The following CLVS1 variants were observed in gnomAD, a reference collection of about 807,000 sequenced individuals.
CLVS1 encodes the protein clavesin-1.
Under a neutral mutation model 33.1 loss-of-function variants are expected in CLVS1, and 10 were observed. That is an observed-to-expected ratio of 0.30 (90% CI 0.19 to 0.51). CLVS1 has a LOEUF of 0.51. CLVS1 is among the 20% of genes least tolerant of loss of function. The pLI is 0.97. For synonymous variants in CLVS1, 163 were observed against 166.1 expected, an observed-to-expected ratio of 0.98 and a Z score of 0.14; for missense variants, 343 against 433.4, an observed-to-expected ratio of 0.79 and a Z score of 1.85.
At chr8:61,202,485 A>G (rs1221345515) in intron 2 of CLVS1, 4 of 896,612 alleles carry the variant, frequency 4.5e-6, no homozygotes, top group Non-Finnish European at 7.4e-6. Context: ...TGTCTTTAAG[A>G]ACGGTCAGTT....
At chr8:61,185,269 G>A (rs1156607270) in intron 2 of CLVS1, among the ~76,000 whole-genome samples, 2 of 149,946 alleles carry the variant, frequency 1.3e-5, no homozygotes, top group African/African-American at 4.9e-5. Flanking sequence ...AACCTCTCAA[G>A]TAGCTAGGAT....
At chr8:61,245,051 G>GAGA (rs1808777987) in intron 2 of CLVS1, among the ~76,000 whole-genome samples, 1 of 151,960 alleles carries the variant, frequency 6.6e-6, no homozygotes, top group Admixed American at 6.6e-5. Context: ...CATATGAAAT[G>GAGA]CCACTTTTTA....
At chr8:61,203,078 GA>G in intron 2 of CLVS1, 2 of 1,300,604 alleles carry the variant, frequency 1.5e-6, no homozygotes, top group Non-Finnish European at 2.2e-6. Context: ...TTCTGTAAAA[GA>G]CATTAAAGCA....
chr8:61,291,969 T>C (rs140124709), intron 1 of CLVS1: 36 of 184,108 alleles, frequency 2.0e-4, no homozygotes, highest in African/African-American at 7.3e-4. Flanking sequence ...TTCTCAAACA[T>C]TAATTTGCAT....
At chr8:61,016,818 G>A in the CLVS1 span, among the ~76,000 whole-genome samples, 1 of 152,204 alleles carries the variant, frequency 6.6e-6, no homozygotes, top group South Asian at 2.1e-4. Flanking sequence ...ACCAGAAGGT[G>A]AGGAAATGGC....
intron 2 of CLVS1, among the ~76,000 whole-genome samples, chr8:61,239,113 T>TTTTTTTTTAACTTTTTA (rs1808635357): frequency 6.6e-6 from 1 of 152,250 alleles, no homozygotes; most frequent in Non-Finnish European, 1.5e-5. Context: ...AACAAAAAAC[T>TTTTTTTTTAACTTTTTA]ATACCTTTTT....
At chr8:61,022,008 T>A in the CLVS1 span, among the ~76,000 whole-genome samples, 96 of 152,372 alleles carry the variant, frequency 6.3e-4, 1 homozygote, top group East Asian at 0.018. Context: ...TGTTCCTGTG[T>A]TAGACATTAA....
At chr8:61,222,874 T>C (rs1272124835) in intron 2 of CLVS1, among the ~76,000 whole-genome samples, 1 of 152,082 alleles carries the variant, frequency 6.6e-6, no homozygotes, top group South Asian at 2.1e-4. Context: ...ATATTTAGGA[T>C]AGTTAGCTCT....
intron 2 of CLVS1, among the ~76,000 whole-genome samples, chr8:61,179,671 A>T (rs1807192430): frequency 6.6e-6 from 1 of 152,204 alleles, no homozygotes; most frequent in African/African-American, 2.4e-5. Context: ...TCAAATTAGA[A>T]CTCAGGATTA....
At chr8:61,281,292 C>T (rs1440726964) in intron 2 of CLVS1, among the ~76,000 whole-genome samples, 1 of 152,038 alleles carries the variant, frequency 6.6e-6, no homozygotes, top group Non-Finnish European at 1.5e-5. Context: ...AATTATGTCC[C>T]CCAAATTCAT....
At chr8:61,099,204 T>C (rs1443085915) in intron 1 of CLVS1, among the ~76,000 whole-genome samples, 1 of 152,102 alleles carries the variant, frequency 6.6e-6, no homozygotes, top group Non-Finnish European at 1.5e-5. Flanking sequence ...TGGACGTCAT[T>C]GTCGTTTTAG....
chr8:61,430,526 C>A (rs921738553), intron 3 of CLVS1, among the ~76,000 whole-genome samples: 9 of 152,118 alleles, frequency 5.9e-5, no homozygotes, highest in African/African-American at 1.9e-4. Context: ...CAAATCTAGG[C>A]AGTGAAAAGC....
rs568857995 is a variant in CLVS1 at position 61,232,306 on chromosome 8, T to G, written c.-151-67371T>G. 3.3e-5 allele frequency among the ~76,000 whole-genome samples: 5 copies of G among 152,004 alleles called. No homozygotes were observed. The South Asian group carries it at 6.2e-4, about 19-fold the overall frequency. On this transcript the variant is annotated intron_variant, in intron 2 of 2. Transcript: ENST00000522621. The stretch of plus-strand genomic sequence containing the variant: ...CCGCCTCAGCCTCCCAAAGTGCTGG[T>G]ATTACAGGCGTGAGCCACCGCGCCT...
intron 2 of CLVS1, among the ~76,000 whole-genome samples, chr8:61,148,047 T>G (rs779826683): frequency 8.1e-4 from 123 of 152,354 alleles, no homozygotes; most frequent in Non-Finnish European, 1.3e-3. Context: ...AACGGGAGTT[T>G]TTGAGTACTC....
intron 2 of CLVS1, among the ~76,000 whole-genome samples, chr8:61,255,883 T>C (rs886202141): frequency 6.6e-6 from 1 of 152,246 alleles, no homozygotes; most frequent in Non-Finnish European, 1.5e-5. Context: ...AATTCAACTT[T>C]CCTTCACATG....
rs1372977320 is a variant in CLVS1 at position 61,203,048 on chromosome 8, A to G, written c.-152+71188A>G. ...TTCAAAAAACAGGAAAAAAACTCCT[A>G]AAACACCAAAAGGACCTAGTTCTGT... On this transcript the variant is annotated intron_variant, in intron 2 of 2. Coordinates refer to the CLVS1 transcript ENST00000522621. The G allele has an allele frequency of 2.3e-6, 3 of 1,309,952 alleles. No homozygotes were observed. In the African/African-American group the frequency reaches 4.3e-5, roughly 19 times the overall value. 81.1% of individuals were successfully genotyped at this position (1,309,952 alleles called of 1,614,324 possible).
chr8:61,267,208 C>T (rs1809326621), intron 2 of CLVS1, among the ~76,000 whole-genome samples: 4 of 152,148 alleles, frequency 2.6e-5, no homozygotes, highest in Admixed American at 2.6e-4. Flanking sequence ...GAAAGATAAG[C>T]GTAGTGTGGG....
chr8:61,192,063 T>C (rs1807495807), intron 2 of CLVS1, among the ~76,000 whole-genome samples: 1 of 152,090 alleles, frequency 6.6e-6, no homozygotes, highest in Non-Finnish European at 1.5e-5. Context: ...GAGCCTGCAT[T>C]GCCAAGACAA....
chr8:61,087,932 T>C (rs1434654083), intron 1 of CLVS1, among the ~76,000 whole-genome samples: 1 of 152,236 alleles, frequency 6.6e-6, no homozygotes, highest in Non-Finnish European at 1.5e-5. Flanking sequence ...TCCCCAATCC[T>C]ATCTTTTGTC....
Sources: gnomAD v4.1 joint callset for allele counts (sites outside exome capture counted in the v4.1 genomes callset) on GRCh38, gnomAD v4.1.1 for gene constraint, MANE v1.5 for transcripts, NCBI Gene and HGNC (gene_info 2026-07-23, HGNC 2026-07-21) for gene names.